Variants in OCA2 observed in about 807,000 individuals in gnomAD.
The protein encoded by OCA2 is P protein.
In OCA2, 77 loss-of-function variants were observed where a neutral mutation model predicts 100.2. The ratio of observed to expected loss-of-function variants is 0.77; its 90% confidence interval spans 0.64 to 0.93. The LOEUF (loss-of-function observed/expected upper bound fraction) is 0.93, where lower values mean the gene tolerates loss of function less well. Ranked by LOEUF, OCA2 falls within the 40% of genes least tolerant of loss-of-function variation. OCA2 has a pLI of 0.00. For missense variants in OCA2, 1,062 were observed against 1,089.1 expected (o/e 0.98, Z 0.35); for synonymous variants, 432 against 439.2 (o/e 0.98, Z 0.21).
chr15:28,004,970 G>A (rs866265248), intron 9 of OCA2, among the ~76,000 whole-genome samples: 2 of 152,100 alleles, frequency 1.3e-5, no homozygotes, highest in Non-Finnish European at 2.9e-5. Flanking sequence ...TCCACCCCTT[G>A]AGCCCCAGAT....
intron 9 of OCA2, 94 bp from the exon 10 acceptor site, chr15:27,990,741 C>A: frequency 1.0e-6 from 1 of 982,728 alleles, no homozygotes. Context: ...CTATATCTGC[C>A]ACTGTGTACC....
chr15:28,082,629 A>G (rs1012646469), intron 1 of OCA2, among the ~76,000 whole-genome samples: 2 of 152,230 alleles, frequency 1.3e-5, no homozygotes, highest in African/African-American at 4.8e-5. Context: ...GTAAAGAATA[A>G]GGACAAGTGG....
intron 17 of OCA2, among the ~76,000 whole-genome samples, chr15:27,953,280 C>T (rs547067300): frequency 7.9e-4 from 121 of 152,294 alleles, no homozygotes; most frequent in Non-Finnish European, 1.4e-3. Flanking sequence ...CCATCAAAAA[C>T]ACATGCAAGG....
At chr15:27,968,976 A>C (rs2040674674) in intron 14 of OCA2, among the ~76,000 whole-genome samples, 2 of 144,922 alleles carry the variant, frequency 1.4e-5, no homozygotes, top group Admixed American at 7.0e-5. Flanking sequence ...AATTCTTCTA[A>C]ACTCAGAGGC....
At chr15:27,935,694 G>A (rs1409460623) in intron 18 of OCA2, among the ~76,000 whole-genome samples, 1 of 152,116 alleles carries the variant, frequency 6.6e-6, no homozygotes, top group East Asian at 1.9e-4. Flanking sequence ...GGCTTCTGAT[G>A]GAATGATTTT....
chr15:27,992,762 A>G (rs927899297), intron 9 of OCA2, among the ~76,000 whole-genome samples: 5 of 152,174 alleles, frequency 3.3e-5, no homozygotes, highest in Admixed American at 3.3e-4. Flanking sequence ...ACTCTATGAC[A>G]TGTTCCTTTC....
At chr15:28,089,662 C>T (rs779285015) in intron 1 of OCA2, among the ~76,000 whole-genome samples, 9 of 152,106 alleles carry the variant, frequency 5.9e-5, no homozygotes, top group South Asian at 2.1e-4. Context: ...AACTAAAAGA[C>T]GGATTGGCAG....
intron 9 of OCA2, among the ~76,000 whole-genome samples, chr15:27,995,745 T>C (rs2041704888): frequency 6.6e-6 from 1 of 151,792 alleles, no homozygotes; most frequent in Non-Finnish European, 1.5e-5. Context: ...AACACAATGG[T>C]ATAAAACTAG....
At chr15:27,913,584 T>C (rs1231361222) in intron 19 of OCA2, among the ~76,000 whole-genome samples, 1 of 151,766 alleles carries the variant, frequency 6.6e-6, no homozygotes, top group Non-Finnish European at 1.5e-5. Context: ...GTTCCCCTTA[T>C]GCTGCTAAAT....
At chr15:28,081,232 T>G (rs79290191) in intron 2 of OCA2, among the ~76,000 whole-genome samples, 3 of 152,298 alleles carry the variant, frequency 2.0e-5, no homozygotes, top group African/African-American at 7.2e-5. Flanking sequence ...GAATCTAAAA[T>G]AAAAGTTGAA....
intron 13 of OCA2, 64 bp from the exon 14 acceptor site, chr15:27,983,547 A>G: frequency 6.3e-7 from 1 of 1,581,964 alleles, no homozygotes. Flanking sequence ...CCCACATGCA[A>G]CCCAGAGATT....
At chr15:27,845,088 T>A (rs370413639) in intron 22 of OCA2, 36 bp from the exon 23 acceptor site, 1 of 1,461,942 alleles carries the variant, frequency 6.8e-7, no homozygotes, top group East Asian at 2.3e-5. Flanking sequence ...TCCCAGTTCA[T>A]CTTGGTGGTA....
At chr15:27,766,979 T>C (rs974697739) in intron 23 of OCA2, among the ~76,000 whole-genome samples, 2 of 152,194 alleles carry the variant, frequency 1.3e-5, no homozygotes, top group Admixed American at 1.3e-4. Flanking sequence ...TACGTCTCCT[T>C]CCCTGGCCCC....
At chr15:27,898,540 A>G (rs2037801726) in intron 19 of OCA2, among the ~76,000 whole-genome samples, 1 of 152,240 alleles carries the variant, frequency 6.6e-6, no homozygotes, top group African/African-American at 2.4e-5. Context: ...CCAGACACAA[A>G]GAACTGTAAG....
chr15:27,977,323 G>A (rs2140923217), intron 14 of OCA2, among the ~76,000 whole-genome samples: 1 of 152,068 alleles, frequency 6.6e-6, no homozygotes, highest in Non-Finnish European at 1.5e-5. Flanking sequence ...CTGAGGTTAT[G>A]GATTTGAGAC....
chr15:27,740,434 A>T, the OCA2 span, among the ~76,000 whole-genome samples: 1 of 152,140 alleles, frequency 6.6e-6, no homozygotes, highest in Admixed American at 6.5e-5. Flanking sequence ...GGGTCAGGGA[A>T]GGACATCAAA....
intron 19 of OCA2, among the ~76,000 whole-genome samples, chr15:27,917,854 T>C (rs1190599132): frequency 2.6e-5 from 4 of 152,082 alleles, no homozygotes; most frequent in South Asian, 2.1e-4. Flanking sequence ...GGCCGAAAAG[T>C]CTAACACTTT....
chr15:27,953,629 G>A (rs1011412642), intron 17 of OCA2, among the ~76,000 whole-genome samples: 2 of 152,204 alleles, frequency 1.3e-5, no homozygotes, highest in Non-Finnish European at 2.9e-5. Context: ...GGAGGTGGAG[G>A]AGTAGGCAGG....
the OCA2 span, among the ~76,000 whole-genome samples, chr15:27,725,695 G>A: frequency 6.6e-6 from 1 of 152,216 alleles, no homozygotes; most frequent in African/African-American, 2.4e-5. Context: ...TGGGAAGAGA[G>A]AACAATGGAG....
Sources: gnomAD v4.1 joint callset for allele counts (sites outside exome capture counted in the v4.1 genomes callset) on GRCh38, gnomAD v4.1.1 for gene constraint, MANE v1.5 for transcripts, NCBI Gene and HGNC (gene_info 2026-07-23, HGNC 2026-07-21) for gene names.